The following NEGR1 variants were observed in gnomAD, a reference collection of about 807,000 sequenced individuals.
NEGR1 encodes the protein IgLON family member 4.
A neutral mutation model predicts 40.9 loss-of-function variants in NEGR1; 10 were observed. That is an observed-to-expected ratio of 0.24 (90% CI 0.15 to 0.42). The LOEUF (loss-of-function observed/expected upper bound fraction) is 0.42, where lower values mean the gene tolerates loss of function less well. Among genes scored for constraint, NEGR1 ranks in the 10% least tolerant of loss-of-function variants. The pLI is 1.00. For missense variants in NEGR1, 352 were observed against 438.9 expected (o/e 0.80, Z 1.77); for synonymous variants, 185 against 166.8 (o/e 1.11, Z -0.84).
intron 4 of NEGR1, among the ~76,000 whole-genome samples, chr1:71,687,926 C>T (rs6424442): frequency 0.91 from 138,553 of 152,224 alleles, 63,285 homozygotes; most frequent in Middle Eastern, 0.97. Context: ...CCAAAGCTAC[C>T]TAAATTCAAA....
At position 71,725,367 on chromosome 1, in the gene NEGR1, A is replaced by G. The variant is rs1242189964; in HGVS notation, c.536-27228T>C. 4.6e-5 allele frequency among the ~76,000 whole-genome samples: 7 copies of G among 151,948 alleles called. No individual in the cohort carries two copies. In the East Asian group the frequency reaches 1.4e-3, roughly 29 times the overall value. Reference sequence around the variant, plus strand: ...AAAATTTTATTGTTATAGAACCCACACCTTGATCCGTCATTGCAGATACTC... The same window carrying G: ...AAAATTTTATTGTTATAGAACCCACGCCTTGATCCGTCATTGCAGATACTC... On this transcript the variant is annotated intron_variant, in intron 3 of 6. Transcript: ENST00000357731.
intron 1 of NEGR1, among the ~76,000 whole-genome samples, chr1:71,983,499 A>G (rs1047213757): frequency 6.6e-6 from 1 of 152,190 alleles, no homozygotes; most frequent in Non-Finnish European, 1.5e-5. Flanking sequence ...CTGCATTTGT[A>G]GAGCAAAGCA....
intron 1 of NEGR1, among the ~76,000 whole-genome samples, chr1:72,060,137 A>G (rs896773420): frequency 4.0e-5 from 6 of 151,712 alleles, no homozygotes; most frequent in African/African-American, 1.5e-4. Flanking sequence ...GATATTAATA[A>G]TTTACACCCA....
intron 1 of NEGR1, among the ~76,000 whole-genome samples, chr1:71,938,034 T>C (rs1645923973): frequency 6.6e-6 from 1 of 152,156 alleles, no homozygotes. Flanking sequence ...AGGGATCATT[T>C]ATGTCTCCTT....
intron 6 of NEGR1, among the ~76,000 whole-genome samples, chr1:71,571,354 T>C (rs1419082455): frequency 6.6e-6 from 1 of 152,234 alleles, no homozygotes; most frequent in Non-Finnish European, 1.5e-5. Context: ...ACATCTATTA[T>C]GAATCATAGT....
At chr1:71,686,591 A>G (rs1295110136) in intron 4 of NEGR1, among the ~76,000 whole-genome samples, 2 of 152,176 alleles carry the variant, frequency 1.3e-5, no homozygotes, top group Non-Finnish European at 2.9e-5. Context: ...CATTTCTTGC[A>G]CTAGAACTCA....
intron 2 of NEGR1, among the ~76,000 whole-genome samples, chr1:71,845,186 G>A (rs1659364050): frequency 6.6e-6 from 1 of 152,048 alleles, no homozygotes; most frequent in Admixed American, 6.6e-5. Flanking sequence ...AGCGCTCAGA[G>A]AGTGTAGCTT....
intron 2 of NEGR1, among the ~76,000 whole-genome samples, chr1:71,904,323 G>T (rs1174432091): frequency 1.3e-5 from 2 of 151,940 alleles, no homozygotes; most frequent in Non-Finnish European, 2.9e-5. Context: ...ACTATTATGT[G>T]CCAATTCCGC....
chr1:71,606,394 C>A (rs1362865937), intron 5 of NEGR1, among the ~76,000 whole-genome samples: 1 of 152,180 alleles, frequency 6.6e-6, no homozygotes, highest in Non-Finnish European at 1.5e-5. Flanking sequence ...ATCTTGACTG[C>A]AATCTTATGA....
chr1:71,512,832 G>A lies in NEGR1; in HGVS notation c.940+79985C>T, dbSNP rs552607858. On this transcript the variant is annotated intron_variant, in intron 6 of 6. Coordinates refer to ENST00000357731, the MANE Select transcript of NEGR1 (RefSeq NM_173808.3). ...CCTGACCTTGTGATCCACCCGCCTT[G>A]GCCTCCCAAAGTGCTGGGATTACAG... Among the ~76,000 whole-genome samples the A allele has an allele frequency of 1.4e-4, 21 of 151,754 alleles. No individual in the cohort carries two copies. The South Asian group carries it at 3.1e-3, about 23-fold the overall frequency.
intron 6 of NEGR1, chr1:71,489,816 A>G (rs1371063338): frequency 6.6e-6 from 1 of 151,976 alleles, no homozygotes; most frequent in Admixed American, 6.6e-5. Context: ...GGAAAGGCAG[A>G]AAACAAAAGC....
At chr1:71,952,605 A>T (rs1414777860) in intron 1 of NEGR1, among the ~76,000 whole-genome samples, 1 of 152,022 alleles carries the variant, frequency 6.6e-6, no homozygotes, top group African/African-American at 2.4e-5. Context: ...TTTAGCTAAA[A>T]TAATTGATGA....
chr1:71,414,808 CTGTT>C lies in NEGR1; in HGVS notation c.941-7242_941-7239del, dbSNP rs1435611151. ...AGGGACCAATGTAGAGATTTTCTGT[CTGTT>C]TGTTTACTAAACACACCTTCATTGT... On this transcript the variant is annotated intron_variant, in intron 6 of 6. Coordinates refer to ENST00000357731, the MANE Select transcript of NEGR1 (RefSeq NM_173808.3). 3.3e-5 allele frequency among the ~76,000 whole-genome samples: 5 copies of C among 152,134 alleles called. No individual in the cohort carries two copies. The East Asian group carries it at 5.8e-4, about 18-fold the overall frequency.
chr1:71,755,984 TAA>T (rs1203916109), intron 3 of NEGR1, among the ~76,000 whole-genome samples: 3 of 152,202 alleles, frequency 2.0e-5, no homozygotes, highest in Admixed American at 1.3e-4. Context: ...CAAAACATGT[TAA>T]GTTTAGATTG....
At chr1:71,722,180 A>C (rs1654530662) in intron 3 of NEGR1, among the ~76,000 whole-genome samples, 1 of 152,088 alleles carries the variant, frequency 6.6e-6, no homozygotes, top group Non-Finnish European at 1.5e-5. Flanking sequence ...ATGGAAGATA[A>C]GTTAGGAGGT....
At chr1:71,494,629 T>C (rs1200440874) in intron 6 of NEGR1, among the ~76,000 whole-genome samples, 1 of 152,170 alleles carries the variant, frequency 6.6e-6, no homozygotes, top group African/African-American at 2.4e-5. Context: ...TGTAGCCAGC[T>C]GGTCTGAACT....
chr1:72,050,350 G>T (rs1414902743), intron 1 of NEGR1, among the ~76,000 whole-genome samples: 2 of 151,172 alleles, frequency 1.3e-5, no homozygotes, highest in Non-Finnish European at 3.0e-5. Flanking sequence ...ATCACAAATT[G>T]GGAACAGCAA....
intron 1 of NEGR1, among the ~76,000 whole-genome samples, chr1:72,222,898 T>C (rs910093593): frequency 6.6e-6 from 1 of 152,046 alleles, no homozygotes; most frequent in Non-Finnish European, 1.5e-5. Flanking sequence ...GTGTCAGACA[T>C]GTGAGTGAAG....
At chr1:71,668,903 T>C (rs976767104) in intron 4 of NEGR1, among the ~76,000 whole-genome samples, 1 of 152,180 alleles carries the variant, frequency 6.6e-6, no homozygotes, top group Non-Finnish European at 1.5e-5. Context: ...TGTGTCAACG[T>C]ATGTTGACTG....
Sources: allele counts gnomAD v4.1 joint callset (sites outside exome capture counted in the v4.1 genomes callset), GRCh38; gene constraint gnomAD v4.1.1; transcripts MANE v1.5; gene names NCBI Gene and HGNC (gene_info 2026-07-23, HGNC 2026-07-21).